SGCZ: variants seen among roughly 807,000 people sequenced by gnomAD.
SGCZ encodes zeta-sarcoglycan.
SGCZ carries 40 observed loss-of-function variants against 41.3 expected under a neutral mutation model. That is an observed-to-expected ratio of 0.97 (90% confidence interval 0.75 to 1.26). The LOEUF is 1.26. Among genes scored for constraint, SGCZ ranks in the 50% most tolerant of loss-of-function variants. SGCZ has a pLI of 0.00. For synonymous variants in SGCZ, 206 were observed against 137.5 expected (o/e 1.50, Z -3.49); for missense variants, 552 against 369.8 (o/e 1.49, Z -4.04).
chr8:14,505,114 A>T (rs1802266967), intron 2 of SGCZ, among the ~76,000 whole-genome samples: 1 of 151,898 alleles, frequency 6.6e-6, no homozygotes, highest in Admixed American at 6.6e-5. Flanking sequence ...ATGCCACCAC[A>T]CTCCAGCCTG....
chr8:14,451,367 A>T (rs897359747), intron 2 of SGCZ, among the ~76,000 whole-genome samples: 5 of 152,212 alleles, frequency 3.3e-5, no homozygotes, highest in Admixed American at 6.5e-5. Flanking sequence ...AGTGAAATCC[A>T]ATCTTATTTC....
At chr8:14,188,896 T>A (rs1346402107) in intron 4 of SGCZ, among the ~76,000 whole-genome samples, 1 of 150,674 alleles carries the variant, frequency 6.6e-6, no homozygotes, top group East Asian at 2.0e-4. Flanking sequence ...CAATGGCACA[T>A]TCTCGTCTCA....
At chr8:14,876,127 A>C (rs1804348700) in intron 1 of SGCZ, among the ~76,000 whole-genome samples, 1 of 152,110 alleles carries the variant, frequency 6.6e-6, no homozygotes, top group Admixed American at 6.6e-5. Flanking sequence ...GACAATAGAG[A>C]GATCGGACTG....
chr8:15,012,664 A>ATAATATG (rs1269596358), intron 1 of SGCZ, among the ~76,000 whole-genome samples: 1 of 100,840 alleles, frequency 9.9e-6, no homozygotes, highest in Non-Finnish European at 1.9e-5. Flanking sequence ...TATATAATAT[A>ATAATATG]TATTTATTAT....
rs199747747 is a variant in SGCZ at position 14,363,898 on chromosome 8, T to C, written c.235-39694A>G. ...TTATTGGTTATTTTGAAAATGTGTA[T>C]CCAGATTACATATCACTGTTTCCTC... is the stretch of plus-strand genomic sequence containing the variant. On this transcript the variant is annotated intron_variant, in intron 2 of 7. Transcript: ENST00000382080. 9.2e-5 allele frequency among the ~76,000 whole-genome samples: 14 copies of C among 152,324 alleles called. No individual in the cohort carries two copies. In the East Asian group the frequency reaches 2.5e-3, roughly 27 times the overall value.
At chr8:14,893,897 T>G (rs571294613) in intron 1 of SGCZ, among the ~76,000 whole-genome samples, 1 of 152,304 alleles carries the variant, frequency 6.6e-6, no homozygotes, top group South Asian at 2.1e-4. Flanking sequence ...CTTAGTAACT[T>G]TGGCTTTATT....
intron 1 of SGCZ, among the ~76,000 whole-genome samples, chr8:14,973,495 C>G (rs888845625): frequency 6.6e-6 from 1 of 152,186 alleles, no homozygotes; most frequent in Admixed American, 6.5e-5. Context: ...TAAAGCCTCC[C>G]TTGTCCGTTT....
chr8:15,093,122 T>A (rs1806211825), intron 1 of SGCZ, among the ~76,000 whole-genome samples: 1 of 151,946 alleles, frequency 6.6e-6, no homozygotes, highest in Non-Finnish European at 1.5e-5. Context: ...GCAGCCATAA[T>A]AAAAAAAATC....
chr8:15,049,021 T>A lies in SGCZ; in HGVS notation c.39+188564A>T, dbSNP rs151319074. ...TAAGTTTTCCTCAAAAGATGCTGTA[T>A]CAGTATCCTGAGAAATCATTTACTC... is the stretch of plus-strand genomic sequence containing the variant. On this transcript the variant is annotated intron_variant, in intron 1 of 7. Transcript: ENST00000382080. Among the ~76,000 whole-genome samples the A allele has an allele frequency of 1.9e-3, 288 of 152,280 alleles. 2 individuals are homozygous for A. Among genetic ancestry groups the A allele is most frequent in the African/African-American group, 6.6e-3 (274 of 41,574 alleles).
chr8:15,108,853 C>CA (rs1212191647), intron 1 of SGCZ, among the ~76,000 whole-genome samples: 4 of 151,818 alleles, frequency 2.6e-5, no homozygotes, highest in Admixed American at 6.6e-5. Context: ...TTTGCTAGAA[C>CA]AAAAAATAGG....
intron 1 of SGCZ, among the ~76,000 whole-genome samples, chr8:15,006,382 T>C (rs1347576124): frequency 2.0e-5 from 3 of 152,198 alleles, no homozygotes; most frequent in African/African-American, 7.2e-5. Context: ...GTGAAAATTC[T>C]GCTATCCAAT....
chr8:14,595,702 G>A (rs1805389881), intron 1 of SGCZ, among the ~76,000 whole-genome samples: 1 of 152,062 alleles, frequency 6.6e-6, no homozygotes, highest in Non-Finnish European at 1.5e-5. Context: ...CCTCTGCCCT[G>A]TCCTTGGTAG....
At chr8:14,747,556 A>G (rs1161377149) in intron 1 of SGCZ, among the ~76,000 whole-genome samples, 1 of 152,100 alleles carries the variant, frequency 6.6e-6, no homozygotes, top group Non-Finnish European at 1.5e-5. Flanking sequence ...ATCCAATTTT[A>G]AAGTATTTTT....
intron 1 of SGCZ, among the ~76,000 whole-genome samples, chr8:15,147,484 G>A (rs1016679757): frequency 1.3e-5 from 2 of 152,124 alleles, no homozygotes; most frequent in African/African-American, 2.4e-5. Flanking sequence ...CTCCATGTTC[G>A]TCAGGCTGGT....
intron 2 of SGCZ, among the ~76,000 whole-genome samples, chr8:14,357,358 A>G (rs1178465764): frequency 6.6e-6 from 1 of 152,206 alleles, no homozygotes; most frequent in Non-Finnish European, 1.5e-5. Flanking sequence ...CAATTAAAAT[A>G]AGATATATTC....
chr8:15,148,097 C>T (rs1315414810), intron 1 of SGCZ, among the ~76,000 whole-genome samples: 3 of 152,238 alleles, frequency 2.0e-5, no homozygotes, highest in East Asian at 3.9e-4. Context: ...CAAGAAGCAG[C>T]GATGAGGCAG....
intron 1 of SGCZ, among the ~76,000 whole-genome samples, chr8:14,625,359 T>C (rs570780171): frequency 1.8e-4 from 28 of 152,154 alleles, no homozygotes; most frequent in Non-Finnish European, 4.1e-4. Context: ...CAAACGACAG[T>C]CCTTTTAGAA....
In SGCZ at chr8:14,479,731, C is replaced by CTTTTTTTTTTTTTT. The variant is rs529812029; in HGVS notation, c.234+74987_234+75000dup. On this transcript the variant is annotated intron_variant, in intron 2 of 7. Coordinates refer to ENST00000382080, the MANE Select transcript of SGCZ (RefSeq NM_139167.4). Reference sequence around the variant, plus strand: ...GTCGCATACCTCCAGAATTCTACTTCTTTTTTTTTTTTTTTTTTTTTTTTT... The same window carrying CTTTTTTTTTTTTTT: ...GTCGCATACCTCCAGAATTCTACTTCTTTTTTTTTTTTTTTTTTTTTTTTTTTTTTTTTTTTTTT... 1.1e-3 allele frequency among the ~76,000 whole-genome samples: 57 copies of CTTTTTTTTTTTTTT among 52,964 alleles called. 7 individuals are homozygous for CTTTTTTTTTTTTTT. The highest frequency in any genetic ancestry group is 2.9e-3 in the East Asian group (3 of 1,036). 34.7% of individuals were successfully genotyped at this position (52,964 alleles called of 152,430 possible).
At chr8:14,180,993 G>C (rs1804705816) in intron 4 of SGCZ, among the ~76,000 whole-genome samples, 1 of 152,090 alleles carries the variant, frequency 6.6e-6, no homozygotes, top group African/African-American at 2.4e-5. Flanking sequence ...AATACCTGTA[G>C]AGCAGTCATA....
Sources: gnomAD v4.1 joint callset for allele counts (sites outside exome capture counted in the v4.1 genomes callset) on GRCh38, gnomAD v4.1.1 for gene constraint, MANE v1.5 for transcripts, NCBI Gene and HGNC (gene_info 2026-07-23, HGNC 2026-07-21) for gene names.